CNTNAP2: variants seen among roughly 807,000 people sequenced by gnomAD.
CNTNAP2 encodes the protein contactin associated protein 2.
A neutral mutation model predicts 155.2 loss-of-function variants in CNTNAP2; 98 were observed. The observed-to-expected ratio is 0.63, with a 90% CI of 0.54 to 0.75. CNTNAP2 has a LOEUF of 0.75. Ranked by LOEUF, CNTNAP2 falls within the 30% of genes least tolerant of loss-of-function variation. The pLI is 0.00. For synonymous variants in CNTNAP2, 651 were observed against 631.2 expected (o/e 1.03, Z -0.47); for missense variants, 1,727 against 1,688.1 (o/e 1.02, Z -0.40).
At chr7:146,158,458 A>T (rs1798162305) in intron 1 of CNTNAP2, among the ~76,000 whole-genome samples, 1 of 152,218 alleles carries the variant, frequency 6.6e-6, no homozygotes, top group Admixed American at 6.5e-5. Context: ...CTAAAGGAGG[A>T]TGTTAGAACT....
At chr7:147,232,305 C>A (rs1054386459) in intron 8 of CNTNAP2, among the ~76,000 whole-genome samples, 1 of 152,170 alleles carries the variant, frequency 6.6e-6, no homozygotes, top group African/African-American at 2.4e-5. Context: ...GCGTTTTTCA[C>A]GGAAATGCCG....
Position 147,108,276 on chromosome 7 carries a change from A to G in CNTNAP2, c.680A>G (p.His227Arg). The G allele has an allele frequency of 6.2e-7, 1 of 1,613,854 alleles. No homozygotes were observed. The highest frequency in any genetic ancestry group is 8.5e-7 in the Non-Finnish European group (1 of 1,179,844). ...KTSESEGVIL[H>R]GEGQQGDYIT... is the part of the protein sequence containing the mutation. ...TCTGAAAGTGAAGGAGTAATCCTGC[A>G]CGGAGAAGGACAGCAAGGAGATTAC... Residue 227 changes from histidine to arginine, a missense_variant, in exon 5 of 24, where the codon CAC becomes CGC. His to Arg is a conservative substitution (Grantham distance 29). Coordinates refer to ENST00000361727, the MANE Select transcript of CNTNAP2 (RefSeq NM_014141.6).
intron 3 of CNTNAP2, among the ~76,000 whole-genome samples, chr7:146,904,830 G>A (rs747108517): frequency 5.9e-5 from 9 of 152,112 alleles, no homozygotes; most frequent in Non-Finnish European, 1.3e-4. Context: ...ATCGTATTGT[G>A]CTGCTCACAA....
At chr7:147,541,030 TTAAAA>T (rs779606153) in intron 11 of CNTNAP2, among the ~76,000 whole-genome samples, 8 of 152,178 alleles carry the variant, frequency 5.3e-5, no homozygotes, top group South Asian at 4.1e-4. Context: ...CTAAAGATAC[TTAAAA>T]TAAAATGAGT....
At chr7:148,050,645 T>C (rs748770247) in intron 15 of CNTNAP2, among the ~76,000 whole-genome samples, 7 of 152,248 alleles carry the variant, frequency 4.6e-5, no homozygotes, top group Non-Finnish European at 8.8e-5. Flanking sequence ...TCAACATTAG[T>C]GTACAGTAAT....
At chr7:147,362,877 A>T (rs1336251051) in intron 9 of CNTNAP2, among the ~76,000 whole-genome samples, 1 of 152,218 alleles carries the variant, frequency 6.6e-6, no homozygotes, top group East Asian at 1.9e-4. Flanking sequence ...AATGAAATAC[A>T]GAAGTTAATA....
chr7:146,576,046 C>G (rs1172281768), intron 1 of CNTNAP2, among the ~76,000 whole-genome samples: 1 of 152,112 alleles, frequency 6.6e-6, no homozygotes, highest in Non-Finnish European at 1.5e-5. Context: ...TGAAAGCAAC[C>G]AACATCTGTT....
rs957283249 is a variant in CNTNAP2, at chr7:146,408,232, A to G, written c.97+291259A>G. The stretch of plus-strand genomic sequence containing the variant: ...CAAGCAAAATTAACCATTAAAAATA[A>G]GCAATTCATTGCACTTTATAGAGAC... On this transcript the variant is annotated intron_variant, in intron 1 of 23. Transcript: ENST00000361727. Among the ~76,000 whole-genome samples the G allele has an allele frequency of 2.9e-4, 44 of 152,222 alleles. 1 individual carries two copies. Among genetic ancestry groups the G allele is most frequent in the Non-Finnish European group, 5.9e-4 (40 of 68,048 alleles).
chr7:146,737,504 A>G (rs923585079), intron 1 of CNTNAP2, among the ~76,000 whole-genome samples: 1 of 152,110 alleles, frequency 6.6e-6, no homozygotes, highest in Non-Finnish European at 1.5e-5. Flanking sequence ...TAGATTCCAC[A>G]TATGAATGAG....
intron 12 of CNTNAP2, among the ~76,000 whole-genome samples, chr7:147,564,328 C>T (rs918629807): frequency 2.0e-5 from 3 of 152,020 alleles, no homozygotes; most frequent in Non-Finnish European, 4.4e-5. Flanking sequence ...AACACACTTA[C>T]CAGAGAGATT....
intron 1 of CNTNAP2, among the ~76,000 whole-genome samples, chr7:146,221,251 T>G (rs1799204036): frequency 6.6e-6 from 1 of 152,192 alleles, no homozygotes; most frequent in Non-Finnish European, 1.5e-5. Flanking sequence ...CATGATTCAA[T>G]AACTGCAACA....
chr7:148,287,927 G>T lies in CNTNAP2; in HGVS notation c.3475+20801G>T, dbSNP rs1005204268. Among the ~76,000 whole-genome samples, 11 of 151,294 alleles carry T rather than the reference G, an allele frequency of 7.3e-5. 1 individual carries two copies. Among genetic ancestry groups the T allele is most frequent in the African/African-American group, 2.7e-4 (11 of 41,150 alleles). The stretch of plus-strand genomic sequence containing the variant: ...CTACTTCAGCCTCCGGAGTAGCTGG[G>T]ATTACAGGCACGTGCCACCACGCCC... On this transcript the variant is annotated intron_variant, in intron 21 of 23. Coordinates refer to ENST00000361727, the MANE Select transcript of CNTNAP2 (RefSeq NM_014141.6).
intron 10 of CNTNAP2, among the ~76,000 whole-genome samples, chr7:147,423,543 C>A (rs1343420715): frequency 3.9e-5 from 6 of 152,130 alleles, no homozygotes; most frequent in African/African-American, 9.7e-5. Flanking sequence ...CTTGGCCCAT[C>A]ACCTCCTCAT....
chr7:148,247,647 A>ATTTTTTTTTTTTTTTTTTTTTTT (rs1361087053), intron 20 of CNTNAP2, among the ~76,000 whole-genome samples: 1 of 125,762 alleles, frequency 8.0e-6, no homozygotes, highest in African/African-American at 3.2e-5. Context: ...TTATTTATTT[A>ATTTTTTTTTTTTTTTTTTTTTTT]TTTATTTATT....
At chr7:147,497,758 T>C (rs1241344694) in intron 11 of CNTNAP2, among the ~76,000 whole-genome samples, 1 of 152,144 alleles carries the variant, frequency 6.6e-6, no homozygotes, top group East Asian at 1.9e-4. Context: ...ATGACATAGA[T>C]AGAGATTTCC....
intron 11 of CNTNAP2, among the ~76,000 whole-genome samples, chr7:147,502,158 G>A (rs1410706874): frequency 1.3e-5 from 2 of 152,008 alleles, no homozygotes; most frequent in Admixed American, 1.3e-4. Context: ...ATCAATGCAA[G>A]CTATACAATC....
At chr7:146,681,924 CATAGT>C (rs1368906894) in intron 1 of CNTNAP2, among the ~76,000 whole-genome samples, 4 of 152,106 alleles carry the variant, frequency 2.6e-5, no homozygotes, top group Admixed American at 6.5e-5. Flanking sequence ...AAGTATTCCA[CATAGT>C]ATTTCAGGTT....
At chr7:147,259,108 G>C (rs561405769) in intron 8 of CNTNAP2, among the ~76,000 whole-genome samples, 1 of 152,198 alleles carries the variant, frequency 6.6e-6, no homozygotes, top group Non-Finnish European at 1.5e-5. Flanking sequence ...GTTGTAGCAT[G>C]TTGTGGTCAG....
At chr7:146,869,667 G>A (rs1452169623) in intron 3 of CNTNAP2, among the ~76,000 whole-genome samples, 1 of 152,016 alleles carries the variant, frequency 6.6e-6, no homozygotes, top group African/African-American at 2.4e-5. Context: ...GCAAACCACT[G>A]GTATAAGTCC....
Sources: gnomAD v4.1 joint callset for allele counts (sites outside exome capture counted in the v4.1 genomes callset) on GRCh38, gnomAD v4.1.1 for gene constraint, MANE v1.5 for transcripts, NCBI Gene and HGNC (gene_info 2026-07-23, HGNC 2026-07-21) for gene names.